The following JADE2 variants were observed in gnomAD, a reference collection of about 807,000 sequenced individuals.
JADE2 encodes jade family PHD finger 2, also known as E3 ubiquitin-protein ligase Jade-2.
Under a neutral mutation model 85.7 loss-of-function variants are expected in JADE2, and 13 were observed. The observed-to-expected ratio is 0.15, with a 90% CI of 0.10 to 0.24. The LOEUF (loss-of-function observed/expected upper bound fraction) is 0.24, where lower values mean the gene tolerates loss of function less well. JADE2 is among the 10% of genes least tolerant of loss of function. JADE2 has a pLI of 1.00. For missense variants in JADE2, 846 were observed against 1,115.9 expected (o/e 0.76, Z 3.45); for synonymous variants, 440 against 456.1 (o/e 0.96, Z 0.45).
intron 3 of JADE2, among the ~76,000 whole-genome samples, chr5:134,547,387 A>C (rs1044221443): frequency 6.6e-6 from 1 of 152,274 alleles, no homozygotes; most frequent in African/African-American, 2.4e-5. Context: ...GTTGCTAGGC[A>C]GCAGACCTTT....
chr5:134,574,874 C>T (rs935469909), intron 10 of JADE2: 9 of 152,268 alleles, frequency 5.9e-5, no homozygotes, highest in Non-Finnish European at 1.0e-4. Flanking sequence ...AATGTGGTAT[C>T]GCAGACGCTA....
rs778917062 is a variant in JADE2 at position 134,560,970 on chromosome 5, C to T, written c.684+13C>T. 1.2e-5 allele frequency: 19 copies of T among 1,606,216 alleles called. No homozygotes were observed. The East Asian group carries it at 4.0e-4, about 34-fold the overall frequency. On this transcript the variant is annotated intron_variant, in intron 6 of 11. Transcript: ENST00000681547. ...CTGTGTGCATCAGGTGGGCAGACCC[C>T]CCAGTCACCCTCACCTGTGCCATGT...
At chr5:134,555,164 C>T (rs888917293) in intron 4 of JADE2, among the ~76,000 whole-genome samples, 2 of 152,088 alleles carry the variant, frequency 1.3e-5, no homozygotes, top group African/African-American at 4.8e-5. Context: ...CCCTCCCTGG[C>T]CTTTGGGTGG....
chr5:134,552,257 G>A (rs1256750800), intron 4 of JADE2, 48 bp downstream of exon 4: 1 of 1,564,472 alleles, frequency 6.4e-7, no homozygotes, highest in South Asian at 1.2e-5. Context: ...AGGGGAGGAA[G>A]GGGAGGCTGC....
intron 3 of JADE2, among the ~76,000 whole-genome samples, chr5:134,545,815 C>G (rs988440428): frequency 6.6e-6 from 1 of 152,198 alleles, no homozygotes; most frequent in African/African-American, 2.4e-5. Context: ...AGATGAGGTG[C>G]TCAGAAAACA....
At chr5:134,557,203 T>TATG (rs61168581) in intron 4 of JADE2, among the ~76,000 whole-genome samples, 7 of 150,568 alleles carry the variant, frequency 4.6e-5, no homozygotes, top group Non-Finnish European at 8.9e-5. Flanking sequence ...TTGTTGTTAT[T>TATG]ATGATGATGA....
In JADE2 at chr5:134,576,617, A is replaced by G. The variant is rs574615324; in HGVS notation, c.1553-151A>G. The G allele has an allele frequency of 5.0e-5, 49 of 987,548 alleles. No individual in the cohort carries two copies. The African/African-American group carries it at 6.9e-4, about 14-fold the overall frequency. The allele number at this position is 987,548 out of a possible 1,614,324, so 61.2% of individuals were successfully genotyped here. A position where few individuals can be genotyped will look rare whatever the true frequency, so the allele number is the denominator to read the frequency against. On this transcript the variant is annotated intron_variant, in intron 10 of 11. Coordinates refer to ENST00000681547, the MANE Select transcript of JADE2 (RefSeq NM_001388185.1). ...CAGTGGACAGTTGGTCCACCCCACC[A>G]TGCCAGCCATCCCCTAACTCCAACC... is the stretch of plus-strand genomic sequence containing the variant.
chr5:134,577,835 C>G (rs1764475901), intron 11 of JADE2, among the ~76,000 whole-genome samples: 1 of 152,202 alleles, frequency 6.6e-6, no homozygotes, highest in Admixed American at 6.5e-5. Flanking sequence ...TGGCGTCTCA[C>G]TTGCCTCCCC....
At chr5:134,526,085 C>T in intron 1 of JADE2, 74 bp downstream of exon 1, 1 of 985,174 alleles carries the variant, frequency 1.0e-6, no homozygotes, top group Non-Finnish European at 1.2e-6. Context: ...AACAGATCTG[C>T]CAGCGCTCTT....
Position 134,582,224 on chromosome 5 carries a change from TGAG to T in JADE2, c.*2908_*2910del, listed in dbSNP as rs1764745688. 6.6e-6 allele frequency: 1 copy of T among 152,140 alleles called. No individual in the cohort carries two copies. Among genetic ancestry groups the T allele is most frequent in the Non-Finnish European group, 1.5e-5 (1 of 68,034 alleles). The allele number at this position is 152,140 out of a possible 1,614,324, so 9.4% of individuals were successfully genotyped here. Reference sequence around the variant, plus strand: ...TATCATAAATGTATTTTGAAACAAATGAGAAGAAGAAAGGTAGAAGGGTTTATT... The same window carrying T: ...TATCATAAATGTATTTTGAAACAAATAAGAAGAAAGGTAGAAGGGTTTATT... On this transcript the variant is annotated 3_prime_UTR_variant, in exon 12 of 12. Transcript: ENST00000681547.
At chr5:134,540,748 G>A (rs1294817069) in intron 3 of JADE2, among the ~76,000 whole-genome samples, 1 of 152,138 alleles carries the variant, frequency 6.6e-6, no homozygotes. Flanking sequence ...GGAGTTCCTA[G>A]GGTTGGCTTA....
intron 4 of JADE2, among the ~76,000 whole-genome samples, 172 bp downstream of exon 4, chr5:134,552,381 T>C (rs1762645036): frequency 6.6e-6 from 1 of 152,226 alleles, no homozygotes; most frequent in South Asian, 2.1e-4. Flanking sequence ...ACTGGTGGTT[T>C]AACTGAGAGG....
chr5:134,569,365 G>C (rs577224650), intron 9 of JADE2, among the ~76,000 whole-genome samples: 1 of 152,230 alleles, frequency 6.6e-6, no homozygotes, highest in Non-Finnish European at 1.5e-5. Context: ...AGAAACAGGA[G>C]CCGGGGCTGC....
chr5:134,574,228 A>G, intron 10 of JADE2: 1 of 234,484 alleles, frequency 4.3e-6, no homozygotes, highest in Non-Finnish European at 8.5e-6. Context: ...TGACCCTAAC[A>G]GGATTTATGC....
intron 3 of JADE2, among the ~76,000 whole-genome samples, chr5:134,550,604 C>T (rs10072176): frequency 0.011 from 1,646 of 152,298 alleles, 40 homozygotes; most frequent in African/African-American, 0.037. Flanking sequence ...TCTCAAATGA[C>T]GGTGATCACT....
intron 4 of JADE2, among the ~76,000 whole-genome samples, chr5:134,552,415 G>A (rs988585477): frequency 6.6e-6 from 1 of 152,218 alleles, no homozygotes; most frequent in Non-Finnish European, 1.5e-5. Flanking sequence ...CTCGGGCTTG[G>A]CTATAGAGCC....
chr5:134,530,385 C>T (rs1007223718), intron 1 of JADE2, among the ~76,000 whole-genome samples: 1 of 152,140 alleles, frequency 6.6e-6, no homozygotes, highest in Non-Finnish European at 1.5e-5. Flanking sequence ...GCCCTTTTTT[C>T]CCCTTTTTTT....
intron 2 of JADE2, among the ~76,000 whole-genome samples, chr5:134,536,389 C>T (rs564368185): frequency 2.6e-5 from 4 of 152,324 alleles, no homozygotes; most frequent in Admixed American, 2.0e-4. Flanking sequence ...ATAGTAGATG[C>T]TCAGTGAATG....
intron 1 of JADE2, among the ~76,000 whole-genome samples, chr5:134,527,303 T>G (rs1760912319): frequency 6.6e-6 from 1 of 151,288 alleles, no homozygotes. Context: ...TGGCTCCCCA[T>G]GGTTTCTTCC....
Sources: allele counts gnomAD v4.1 joint callset (sites outside exome capture counted in the v4.1 genomes callset), GRCh38; gene constraint gnomAD v4.1.1; transcripts MANE v1.5; gene names NCBI Gene and HGNC (gene_info 2026-07-23, HGNC 2026-07-21).